Variants in SCAND3 observed in about 807,000 individuals in gnomAD.
SCAND3 encodes SCAN domain containing 3, also known as SCAN domain-containing protein 3.
At chr6:28,597,607 T>C in the SCAND3 span, 1 of 152,194 alleles carries the variant, frequency 6.6e-6, no homozygotes, top group Non-Finnish European at 1.5e-5. Flanking sequence ...AGTGGTTCAG[T>C]TACTTGGCAC....
the SCAND3 span, among the ~76,000 whole-genome samples, chr6:28,596,348 T>C: frequency 6.6e-6 from 1 of 152,150 alleles, no homozygotes; most frequent in African/African-American, 2.4e-5. Context: ...GTTAGGGAAA[T>C]GGGGCAGGAT....
At chr6:28,571,823 A>C in the SCAND3 span, 1 of 1,494,542 alleles carries the variant, frequency 6.7e-7, no homozygotes, top group Non-Finnish European at 8.9e-7. Flanking sequence ...ACTAGACAGA[A>C]AGTTTAAAGT....
the SCAND3 span, among the ~76,000 whole-genome samples, chr6:28,612,415 T>C: frequency 6.6e-6 from 1 of 152,170 alleles, no homozygotes; most frequent in Non-Finnish European, 1.5e-5. Flanking sequence ...AACTCTACTT[T>C]TGTCATACAC....
chr6:28,601,675 A>T, the SCAND3 span, among the ~76,000 whole-genome samples: 1 of 151,990 alleles, frequency 6.6e-6, no homozygotes, highest in African/African-American at 2.4e-5. Flanking sequence ...ATGCACCACC[A>T]CACCTGGCTA....
chr6:28,606,293 T>C, the SCAND3 span, among the ~76,000 whole-genome samples: 1 of 152,136 alleles, frequency 6.6e-6, no homozygotes, highest in Non-Finnish European at 1.5e-5. Flanking sequence ...ATAAATTGTT[T>C]GAGAAAGAGA....
chr6:28,614,172 A>T, the SCAND3 span, among the ~76,000 whole-genome samples: 1 of 151,924 alleles, frequency 6.6e-6, no homozygotes, highest in African/African-American at 2.4e-5. Context: ...CATGTTGACC[A>T]TGGCTGGTTT....
chr6:28,611,057 T>C, the SCAND3 span, among the ~76,000 whole-genome samples: 6,731 of 152,326 alleles, frequency 0.044, 195 homozygotes, highest in Non-Finnish European at 0.062. Flanking sequence ...AATTACTTCA[T>C]GTATTCCTAT....
At chr6:28,586,950 TAGTG>T in the SCAND3 span, 3 of 557,174 alleles carry the variant, frequency 5.4e-6, no homozygotes, top group Non-Finnish European at 9.5e-6. This position sits in a 1 kb window ranked among gnomAD's most constrained non-coding sequence, Gnocchi z 4.4. Flanking sequence ...AGACCAGAAA[TAGTG>T]AGCACAGAGC....
chr6:28,579,212 A>G, the SCAND3 span: 10 of 1,500,916 alleles, frequency 6.7e-6, no homozygotes, highest in African/African-American at 2.8e-5. The surrounding 1 kb of genome is among the most constrained non-coding windows in gnomAD (Gnocchi z 4.5). Flanking sequence ...ATAACTTTCA[A>G]TACTAGACCC....
the SCAND3 span, chr6:28,589,273 G>A: frequency 6.6e-6 from 1 of 152,368 alleles, no homozygotes. Flanking sequence ...CTGTCAGCGT[G>A]AGTCTCACTG....
chr6:28,572,947 G>A, the SCAND3 span: 1 of 1,613,894 alleles, frequency 6.2e-7, no homozygotes, highest in East Asian at 2.2e-5. The surrounding 1 kb of genome is among the most constrained non-coding windows in gnomAD (Gnocchi z 4.1). Flanking sequence ...TACCACTTCA[G>A]AATGTTTTCC....
chr6:28,596,577 C>A, the SCAND3 span, among the ~76,000 whole-genome samples: 7 of 151,716 alleles, frequency 4.6e-5, no homozygotes. Context: ...CATGTGAATG[C>A]AGTGCCTATT....
chr6:28,591,369 G>C, the SCAND3 span: 1 of 152,144 alleles, frequency 6.6e-6, no homozygotes, highest in Non-Finnish European at 1.5e-5. Flanking sequence ...AGGAAGCTGA[G>C]GAAATTCCCG....
the SCAND3 span, among the ~76,000 whole-genome samples, chr6:28,612,359 ACT>A: frequency 6.6e-6 from 1 of 151,940 alleles, no homozygotes; most frequent in Non-Finnish European, 1.5e-5. Context: ...TTTTAAGAAC[ACT>A]CTGTGAATTT....
At chr6:28,605,642 G>A in the SCAND3 span, among the ~76,000 whole-genome samples, 4 of 144,134 alleles carry the variant, frequency 2.8e-5, no homozygotes, top group East Asian at 8.3e-4. Context: ...GAACAGCCTG[G>A]CCAACATGGT....
the SCAND3 span, among the ~76,000 whole-genome samples, chr6:28,611,266 A>T: frequency 3.3e-5 from 5 of 152,186 alleles, no homozygotes; most frequent in Non-Finnish European, 7.3e-5. Flanking sequence ...ATGTTTACTG[A>T]AAAGTAAAGT....
At chr6:28,607,362 C>A in the SCAND3 span, among the ~76,000 whole-genome samples, 1 of 152,130 alleles carries the variant, frequency 6.6e-6, no homozygotes, top group Non-Finnish European at 1.5e-5. Context: ...TGTTAAGTAT[C>A]TGTATCGATA....
chr6:28,608,681 T>C, the SCAND3 span, among the ~76,000 whole-genome samples: 15 of 152,336 alleles, frequency 9.8e-5, no homozygotes, highest in South Asian at 1.2e-3. Flanking sequence ...TGATAAATTA[T>C]TCTGTATAAT....
At chr6:28,592,296 C>G in the SCAND3 span, among the ~76,000 whole-genome samples, 49 of 152,160 alleles carry the variant, frequency 3.2e-4, no homozygotes, top group South Asian at 6.6e-3. This position sits in a 1 kb window ranked among gnomAD's most constrained non-coding sequence, Gnocchi z 4.1. Flanking sequence ...TAATGATGAA[C>G]TATCTGAAAA....
Sources: allele counts gnomAD v4.1 joint callset (sites outside exome capture counted in the v4.1 genomes callset), GRCh38; gene constraint gnomAD v4.1.1; non-coding constraint Gnocchi (gnomAD v3.1); transcripts MANE v1.5; gene names NCBI Gene and HGNC (gene_info 2026-07-23, HGNC 2026-07-21).